Variants in ABCC5 observed in about 807,000 individuals in gnomAD.
ABCC5 encodes ATP-binding cassette sub-family C member 5.
In ABCC5, 61 loss-of-function variants were observed where a neutral mutation model predicts 160.9. The observed-to-expected ratio is 0.38, with a 90% CI of 0.31 to 0.47. ABCC5 has a LOEUF of 0.47. Among genes scored for constraint, ABCC5 ranks in the 20% least tolerant of loss-of-function variants. ABCC5 has a pLI of 0.99. For synonymous variants in ABCC5, 666 were observed against 700.6 expected, an observed-to-expected ratio of 0.95 and a Z score of 0.78; for missense variants, 1,308 against 1,813.3, an observed-to-expected ratio of 0.72 and a Z score of 5.06.
At chr3:183,984,495 A>G in intron 5 of ABCC5, 1 of 1,074,946 alleles carries the variant, frequency 9.3e-7, no homozygotes, top group Non-Finnish European at 1.1e-6. Flanking sequence ...CAAAACCCAG[A>G]CTCTCTCTGG....
intron 2 of ABCC5, chr3:184,011,247 GTC>G (rs2108927674): frequency 6.6e-6 from 1 of 152,118 alleles, no homozygotes; most frequent in African/African-American, 2.4e-5. Context: ...TTTATATTTG[GTC>G]TCTTTCTCCT....
intron 2 of ABCC5, chr3:184,001,333 T>C (rs1006721530): frequency 3.4e-5 from 15 of 440,428 alleles, no homozygotes; most frequent in African/African-American, 2.0e-4. Flanking sequence ...TTTTTTAACA[T>C]ATAATCAATG....
rs1321321562 is a variant in ABCC5 at position 183,951,508 on chromosome 3, AG to A, written c.2876del (p.Pro959LeufsTer2). The part of the protein sequence containing the change: ...DELFRRILRS[P>X]MKFFDTTPTG... Reference sequence around the variant, plus strand: ...TGGGGGTCGTGTCAAAAAACTTCATAGGGCTTCGAAGGATCCTTCGGAAAAG... The same window carrying A: ...TGGGGGTCGTGTCAAAAAACTTCATAGGCTTCGAAGGATCCTTCGGAAAAG... On this transcript the variant is annotated frameshift_variant, in exon 20 of 30. Transcript: ENST00000334444. LOFTEE classifies it high-confidence loss of function. This position sits in a 1 kb window ranked among gnomAD's most constrained non-coding sequence, Gnocchi z 4.7. The A allele has an allele frequency of 6.2e-7, 1 of 1,614,216 alleles. No individual in the cohort carries two copies. The highest frequency in any genetic ancestry group is 1.7e-5 in the Admixed American group (1 of 60,024).
rs1375605975 is a variant in ABCC5 at position 183,937,889 on chromosome 3, T to C, written c.3854+12A>G. 6.2e-7 allele frequency: 1 copy of C among 1,613,594 alleles called. No homozygotes were observed. Among genetic ancestry groups the C allele is most frequent in the Non-Finnish European group, 8.5e-7 (1 of 1,179,712 alleles). ...AGTGACGCACGAGACATGCAGGTGC[T>C]CAGGTCCTCACCTGACAGTGCCACT... On this transcript the variant is annotated intron_variant, in intron 26 of 29. Transcript: ENST00000334444.
At chr3:183,948,189 G>A (rs753496224) in intron 22 of ABCC5, among the ~76,000 whole-genome samples, 7 of 152,220 alleles carry the variant, frequency 4.6e-5, no homozygotes, top group Non-Finnish European at 8.8e-5. Flanking sequence ...GTTTTGCTGC[G>A]CAGATGTGCT....
At position 183,953,165 on chromosome 3, in the gene ABCC5, AT is replaced by A. The variant is rs745954631; in HGVS notation, c.2587del (p.Met863TrpfsTer6). 1 of 1,614,172 alleles carries A rather than the reference AT, an allele frequency of 6.2e-7. No homozygotes were observed. The highest frequency in any genetic ancestry group is 2.2e-5 in the East Asian group (1 of 44,878). On this transcript the variant is annotated frameshift_variant, in exon 18 of 30. Transcript: ENST00000334444. LOFTEE classifies it high-confidence loss of function. ...GCCTACATTCAGCATGAAAAGGGCC[AT>A]AATAACCAGGAATGCCAAGGGGCCC... is the stretch of plus-strand genomic sequence containing the variant. ...AGGPLAFLVI[M>X]ALFMLNVGST... is the part of the protein sequence containing the mutation.
At chr3:183,924,231 G>C (rs1208642155) in intron 29 of ABCC5, among the ~76,000 whole-genome samples, 1 of 151,984 alleles carries the variant, frequency 6.6e-6, no homozygotes, top group Non-Finnish European at 1.5e-5. Flanking sequence ...TGTTGCCCAG[G>C]CTGCTCTTGA....
intron 2 of ABCC5, among the ~76,000 whole-genome samples, chr3:184,007,283 G>T (rs766597247): frequency 1.6e-4 from 25 of 151,638 alleles, no homozygotes; most frequent in Admixed American, 5.9e-4. Context: ...GCCTCCCAAA[G>T]TGCTGAGATT....
intron 11 of ABCC5, among the ~76,000 whole-genome samples, chr3:183,968,214 C>T (rs758499002): frequency 1.3e-5 from 2 of 152,016 alleles, no homozygotes; most frequent in African/African-American, 2.4e-5. Context: ...CTGCAGCTTC[C>T]GCTTCCGGGT....
At chr3:183,941,364 C>A (rs1161482708) in intron 25 of ABCC5, among the ~76,000 whole-genome samples, 1 of 152,056 alleles carries the variant, frequency 6.6e-6, no homozygotes, top group Admixed American at 6.6e-5. Flanking sequence ...GGGAGAGTCA[C>A]CCTGCTTGGC....
At chr3:183,938,225 C>A (rs963556881) in intron 25 of ABCC5, among the ~76,000 whole-genome samples, 165 bp from the exon 26 acceptor site, 1 of 152,192 alleles carries the variant, frequency 6.6e-6, no homozygotes, top group African/African-American at 2.4e-5. Flanking sequence ...ATGCAATTAA[C>A]TTTCCTGAGA....
intron 26 of ABCC5, among the ~76,000 whole-genome samples, chr3:183,930,807 T>C (rs140695429): frequency 3.2e-4 from 48 of 152,334 alleles, no homozygotes; most frequent in Non-Finnish European, 4.6e-4. Flanking sequence ...AACTGTGAGA[T>C]AGTACATTTC....
In ABCC5 at chr3:183,942,279, C is replaced by T. The variant is rs569019469; in HGVS notation, c.3694+448G>A. ...GTGTTGAACTCCTCAGGTGATCCAC[C>T]CGCCTCGCCCTCCCAAAGTGCTGGG... is the stretch of plus-strand genomic sequence containing the variant. On this transcript the variant is annotated intron_variant, in intron 25 of 29. Coordinates refer to ENST00000334444, the MANE Select transcript of ABCC5 (RefSeq NM_005688.4). Among the ~76,000 whole-genome samples, 357 of 152,254 alleles carry T rather than the reference C, an allele frequency of 2.3e-3. 2 individuals are homozygous for T. Among genetic ancestry groups the T allele is most frequent in the Admixed American group, 3.5e-3 (54 of 15,306 alleles).
In ABCC5 at chr3:183,926,357, CTGGCCAATA is replaced by C. The variant is rs1299115505; in HGVS notation, c.4048-647_4048-639del. ...ACGAGGTCAAGAGATCGAGACCATC[CTGGCCAATA>C]TGGTGAAAACCTGTCTCTACTAAAA... On this transcript the variant is annotated intron_variant, in intron 28 of 29. Transcript: ENST00000334444. Among the ~76,000 whole-genome samples the C allele has an allele frequency of 5.3e-5, 8 of 151,028 alleles. No individual in the cohort carries two copies. In the Middle Eastern group the frequency reaches 0.011, roughly 199 times the overall value.
intron 9 of ABCC5, 43 bp from the exon 10 acceptor site, chr3:183,977,667 T>C (rs776977233): frequency 2.1e-6 from 3 of 1,439,818 alleles, no homozygotes; most frequent in Admixed American, 1.7e-5. Context: ...AATGATGCTA[T>C]GCAACTGAAG....
At chr3:183,940,462 GAAAAA>G (rs537025178) in intron 25 of ABCC5, among the ~76,000 whole-genome samples, 2 of 64,622 alleles carry the variant, frequency 3.1e-5, no homozygotes, top group East Asian at 4.1e-4. Context: ...TCTGTCTCAG[GAAAAA>G]AAAAAAAAAA....
At chr3:184,009,144 C>T (rs1181584492) in intron 2 of ABCC5, among the ~76,000 whole-genome samples, 1 of 152,204 alleles carries the variant, frequency 6.6e-6, no homozygotes, top group East Asian at 1.9e-4. Flanking sequence ...GGACTACAGG[C>T]GTGAGGCACC....
At chr3:183,929,087 C>T (rs1320860825) in intron 26 of ABCC5, among the ~76,000 whole-genome samples, 2 of 152,034 alleles carry the variant, frequency 1.3e-5, no homozygotes, top group Non-Finnish European at 2.9e-5. Context: ...TTTATAAATG[C>T]AAATATCGGC....
At chr3:184,012,668 TGTCTAGCA>T (rs1409671457) in intron 2 of ABCC5, among the ~76,000 whole-genome samples, 1 of 152,222 alleles carries the variant, frequency 6.6e-6, no homozygotes, top group Non-Finnish European at 1.5e-5. Context: ...ACACTAAATG[TGTCTAGCA>T]CTCAGATGTA....
Sources: allele counts gnomAD v4.1 joint callset (sites outside exome capture counted in the v4.1 genomes callset), GRCh38; gene constraint gnomAD v4.1.1; non-coding constraint Gnocchi (gnomAD v3.1); transcripts MANE v1.5; gene names NCBI Gene and HGNC (gene_info 2026-07-23, HGNC 2026-07-21).